Variants in KALRN observed in about 807,000 individuals in gnomAD.
KALRN encodes the protein kalirin.
KALRN carries 70 observed loss-of-function variants against 353.7 expected under a neutral mutation model. The observed-to-expected ratio is 0.20, with a 90% CI of 0.16 to 0.24. The LOEUF (loss-of-function observed/expected upper bound fraction) is 0.24. KALRN is among the 10% of genes least tolerant of loss of function. The pLI is 1.00. For missense variants in KALRN, 2,791 were observed against 3,756.7 expected, an observed-to-expected ratio of 0.74 and a Z score of 6.72; for synonymous variants, 1,391 against 1,434.8, an observed-to-expected ratio of 0.97 and a Z score of 0.69.
chr3:124,607,228 C>A (rs1414570214), intron 34 of KALRN, among the ~76,000 whole-genome samples: 1 of 152,132 alleles, frequency 6.6e-6, no homozygotes. Context: ...AAACAAACAG[C>A]AAAATAGAAG....
intron 45 of KALRN, among the ~76,000 whole-genome samples, chr3:124,664,373 G>GCGCA (rs1553719865): frequency 1.0e-4 from 13 of 125,670 alleles, no homozygotes; most frequent in East Asian, 7.7e-4. Flanking sequence ...GTGTGTGTGC[G>GCGCA]CGCGCGCGCA....
chr3:124,496,547 A>G, intron 33 of KALRN, 134 bp downstream of exon 33: 1 of 673,620 alleles, frequency 1.5e-6, no homozygotes, highest in East Asian at 2.7e-5. Context: ...GTGCCAGCCA[A>G]GGAGGAAAGA....
At chr3:124,367,006 G>T (rs868158459) in intron 10 of KALRN, among the ~76,000 whole-genome samples, 63 of 142,004 alleles carry the variant, frequency 4.4e-4, no homozygotes, top group African/African-American at 1.5e-3. Context: ...GGCCGGGTTG[G>T]GGGGCTGACC....
chr3:124,342,314 C>T (rs2081833073), intron 9 of KALRN, among the ~76,000 whole-genome samples: 2 of 152,252 alleles, frequency 1.3e-5, no homozygotes, highest in African/African-American at 4.8e-5. Context: ...TCACCCAGCC[C>T]CTTCTCCCTT....
intron 33 of KALRN, among the ~76,000 whole-genome samples, chr3:124,555,422 T>C (rs1302976598): frequency 8.9e-6 from 1 of 112,388 alleles, no homozygotes; most frequent in Non-Finnish European, 1.7e-5. Context: ...CCAAAATAAA[T>C]AAATAAATAA....
intron 57 of KALRN, among the ~76,000 whole-genome samples, chr3:124,709,431 C>T (rs1290929014): frequency 1.3e-5 from 2 of 152,160 alleles, no homozygotes; most frequent in African/African-American, 4.8e-5. Context: ...GCACGCACAA[C>T]CATGCCTGGC....
At chr3:124,617,912 G>C (rs1389471761) in intron 34 of KALRN, among the ~76,000 whole-genome samples, 2 of 152,160 alleles carry the variant, frequency 1.3e-5, no homozygotes, top group Admixed American at 6.5e-5. Flanking sequence ...ATGAAGTTTT[G>C]AATGTGATTT....
At chr3:124,093,119 T>C (rs567947976) in intron 1 of KALRN, among the ~76,000 whole-genome samples, 2 of 151,904 alleles carry the variant, frequency 1.3e-5, no homozygotes, top group East Asian at 1.9e-4. Flanking sequence ...GCGGTGGAGG[T>C]TGTGACTCTG....
intron 34 of KALRN, among the ~76,000 whole-genome samples, chr3:124,592,411 A>G (rs2075884916): frequency 6.6e-6 from 1 of 151,886 alleles, no homozygotes; most frequent in Non-Finnish European, 1.5e-5. Context: ...ACTGGAGAAT[A>G]GCAACCCGAT....
intron 10 of KALRN, among the ~76,000 whole-genome samples, chr3:124,372,522 G>A (rs1294790930): frequency 6.6e-6 from 1 of 151,708 alleles, no homozygotes; most frequent in African/African-American, 2.4e-5. Context: ...ATCATTATCA[G>A]TAGTAAGTTT....
At chr3:124,447,653 A>G (rs1340578343) in intron 21 of KALRN, among the ~76,000 whole-genome samples, 2 of 152,042 alleles carry the variant, frequency 1.3e-5, no homozygotes, top group Admixed American at 1.3e-4. Flanking sequence ...AGGTTAAGAG[A>G]TGTTCTTGTT....
At chr3:124,123,482 A>G (rs942370386) in intron 1 of KALRN, among the ~76,000 whole-genome samples, 1 of 152,224 alleles carries the variant, frequency 6.6e-6, no homozygotes, top group African/African-American at 2.4e-5. Context: ...TGCAGAAGAA[A>G]AGTTTGAAGC....
At chr3:124,571,808 T>A (rs1330461369) in intron 34 of KALRN, among the ~76,000 whole-genome samples, 1 of 151,730 alleles carries the variant, frequency 6.6e-6, no homozygotes, top group East Asian at 2.0e-4. Flanking sequence ...TGTATTTTTT[T>A]GTAGAGATGA....
At chr3:124,574,943 C>G (rs759383545) in intron 34 of KALRN, among the ~76,000 whole-genome samples, 1 of 152,222 alleles carries the variant, frequency 6.6e-6, no homozygotes, top group Non-Finnish European at 1.5e-5. Context: ...GCACCCTCCT[C>G]TCACCGCCAC....
intron 51 of KALRN, among the ~76,000 whole-genome samples, chr3:124,692,594 G>T (rs903283464): frequency 6.6e-6 from 1 of 152,186 alleles, no homozygotes; most frequent in Non-Finnish European, 1.5e-5. Context: ...GCTATTAAAG[G>T]TAAGCCACTT....
intron 3 of KALRN, among the ~76,000 whole-genome samples, chr3:124,252,597 A>C (rs1318718582): frequency 6.6e-6 from 1 of 152,234 alleles, no homozygotes; most frequent in East Asian, 1.9e-4. Context: ...GCAGAGGCAA[A>C]AGATGTGTTG....
chr3:124,251,079 CCACTCTGATTCAGAAAGTGGGT>C (rs2071081740), intron 3 of KALRN, among the ~76,000 whole-genome samples: 1 of 152,216 alleles, frequency 6.6e-6, no homozygotes, highest in South Asian at 2.1e-4. Flanking sequence ...TGCTCCCAAG[CCACTCTGATTCAGAAAGTGGGT>C]CTCTTCCTTT....
intron 58 of KALRN, among the ~76,000 whole-genome samples, chr3:124,716,456 G>A (rs1048931591): frequency 6.6e-6 from 1 of 152,178 alleles, no homozygotes; most frequent in Non-Finnish European, 1.5e-5. Context: ...CCTGGGAGGC[G>A]GAGGTTGCAG....
intron 1 of KALRN, among the ~76,000 whole-genome samples, chr3:124,145,332 G>A (rs555404145): frequency 6.6e-6 from 1 of 152,172 alleles, no homozygotes; most frequent in African/African-American, 2.4e-5. Context: ...CTAGCCACAC[G>A]TTGGAATTGC....
Sources: gnomAD v4.1 joint callset for allele counts (sites outside exome capture counted in the v4.1 genomes callset) on GRCh38, gnomAD v4.1.1 for gene constraint, MANE v1.5 for transcripts, NCBI Gene and HGNC (gene_info 2026-07-23, HGNC 2026-07-21) for gene names.